Variants in OXR1 observed in about 807,000 individuals in gnomAD.
OXR1 encodes the protein oxidation resistance 1.
In OXR1, 41 loss-of-function variants were observed where a neutral mutation model predicts 104.6. The ratio of observed to expected loss-of-function variants is 0.39; its 90% CI spans 0.31 to 0.51. OXR1 has a LOEUF of 0.51. OXR1 is among the 20% of genes least tolerant of loss of function. OXR1 has a pLI of 0.77. For synonymous variants in OXR1, 348 were observed against 348.4 expected (o/e 1.00, Z 0.01); for missense variants, 955 against 1,031.9 (o/e 0.93, Z 1.02).
chr8:106,490,990 G>A (rs879282727), intron 2 of OXR1, among the ~76,000 whole-genome samples: 9 of 152,048 alleles, frequency 5.9e-5, no homozygotes, highest in East Asian at 1.9e-4. Flanking sequence ...CAGCCCCTTC[G>A]CTTGTCCTGG....
chr8:106,504,882 T>G (rs1812055412), intron 2 of OXR1, among the ~76,000 whole-genome samples: 1 of 152,254 alleles, frequency 6.6e-6, no homozygotes, highest in Non-Finnish European at 1.5e-5. Flanking sequence ...ATATATTGCT[T>G]TTCTGCATTC....
At chr8:106,288,204 C>T (rs1812579221) in intron 1 of OXR1, among the ~76,000 whole-genome samples, 1 of 152,014 alleles carries the variant, frequency 6.6e-6, no homozygotes, top group African/African-American at 2.4e-5. Context: ...GGTGTGGGAG[C>T]CTCCTTAAAT....
intron 2 of OXR1, among the ~76,000 whole-genome samples, chr8:106,385,072 T>G: frequency 6.6e-6 from 1 of 152,236 alleles, no homozygotes; most frequent in East Asian, 1.9e-4. Context: ...TTTCTTATAC[T>G]AGTTCCAGTC....
intron 11 of OXR1, among the ~76,000 whole-genome samples, chr8:106,727,540 G>A (rs7835917): frequency 6.6e-6 from 1 of 151,838 alleles, no homozygotes; most frequent in East Asian, 1.9e-4. Context: ...GCCTCAGCCC[G>A]GCAAGTAGCT....
At chr8:106,625,222 C>T (rs1484625506) in intron 3 of OXR1, among the ~76,000 whole-genome samples, 1 of 152,152 alleles carries the variant, frequency 6.6e-6, no homozygotes, top group Non-Finnish European at 1.5e-5. Context: ...GCTTGACACC[C>T]ATTTTGACTT....
chr8:106,535,324 T>C (rs1450627081), intron 3 of OXR1, among the ~76,000 whole-genome samples: 2 of 152,200 alleles, frequency 1.3e-5, no homozygotes, highest in Non-Finnish European at 2.9e-5. Context: ...GGCTTTCTAC[T>C]GCAAAACCGC....
intron 7 of OXR1, among the ~76,000 whole-genome samples, chr8:106,694,126 T>C (rs1054648260): frequency 2.6e-5 from 4 of 152,012 alleles, no homozygotes; most frequent in Non-Finnish European, 5.9e-5. Flanking sequence ...AACACACTAC[T>C]ATTTGAAGGC....
intron 1 of OXR1, among the ~76,000 whole-genome samples, chr8:106,291,037 T>A (rs1812728556): frequency 6.6e-6 from 1 of 152,122 alleles, no homozygotes; most frequent in African/African-American, 2.4e-5. Flanking sequence ...AGACATGGAA[T>A]CAACCTAGGT....
intron 3 of OXR1, among the ~76,000 whole-genome samples, chr8:106,580,007 C>T (rs1014233105): frequency 3.9e-5 from 6 of 152,172 alleles, no homozygotes; most frequent in Non-Finnish European, 7.3e-5. Flanking sequence ...ATACTGATGG[C>T]CAGCATTTTC....
At chr8:106,741,639 G>A (rs1238431909) in intron 14 of OXR1, among the ~76,000 whole-genome samples, 4 of 152,110 alleles carry the variant, frequency 2.6e-5, no homozygotes, top group Non-Finnish European at 4.4e-5. Context: ...CATTTCTGAT[G>A]TGGAAACTTC....
At chr8:106,674,233 C>T (rs928452018) in intron 3 of OXR1, among the ~76,000 whole-genome samples, 3 of 152,230 alleles carry the variant, frequency 2.0e-5, no homozygotes, top group African/African-American at 7.2e-5. Flanking sequence ...GCCATGGGAG[C>T]TCACCTCTTG....
chr8:106,348,720 A>T (rs1046696268), intron 1 of OXR1, among the ~76,000 whole-genome samples: 1 of 152,110 alleles, frequency 6.6e-6, no homozygotes, highest in Non-Finnish European at 1.5e-5. Context: ...CACCTGAAAA[A>T]CTTTGAGTTT....
At chr8:106,738,682 TGCAGTAGTAA>T in intron 12 of OXR1, among the ~76,000 whole-genome samples, 1 of 151,624 alleles carries the variant, frequency 6.6e-6, no homozygotes, top group East Asian at 1.9e-4. Flanking sequence ...GAATATATTG[TGCAGTAGTAA>T]GCTTTATTTT....
intron 7 of OXR1, among the ~76,000 whole-genome samples, chr8:106,702,476 C>T (rs1395888399): frequency 2.6e-5 from 4 of 152,106 alleles, no homozygotes; most frequent in African/African-American, 7.2e-5. Context: ...AGATATTATA[C>T]TCTTTTCCTT....
At chr8:106,359,067 C>CTTTCTTTA (rs1816124916) in intron 1 of OXR1, among the ~76,000 whole-genome samples, 1 of 74,682 alleles carries the variant, frequency 1.3e-5, no homozygotes, top group East Asian at 4.5e-4. Flanking sequence ...TTCTTTCTTT[C>CTTTCTTTA]TTTCTTTCTT....
At chr8:106,636,426 T>C (rs887493256) in intron 3 of OXR1, among the ~76,000 whole-genome samples, 1 of 152,152 alleles carries the variant, frequency 6.6e-6, no homozygotes, top group Non-Finnish European at 1.5e-5. Flanking sequence ...TAGTATGTCT[T>C]ATATTTTGTG....
At chr8:106,697,273 A>AC (rs1372905285) in intron 7 of OXR1, among the ~76,000 whole-genome samples, 5 of 152,194 alleles carry the variant, frequency 3.3e-5, no homozygotes, top group Non-Finnish European at 7.3e-5. Flanking sequence ...GCCAACAGGC[A>AC]CCTCAGAGGT....
At chr8:106,314,887 A>G (rs1813862192) in intron 1 of OXR1, among the ~76,000 whole-genome samples, 1 of 152,220 alleles carries the variant, frequency 6.6e-6, no homozygotes, top group Non-Finnish European at 1.5e-5. Context: ...AACGGTATAG[A>G]CACTCAGAAT....
chr8:106,370,204 A>G (rs755033268), intron 2 of OXR1, among the ~76,000 whole-genome samples: 8 of 151,814 alleles, frequency 5.3e-5, no homozygotes, highest in Non-Finnish European at 1.0e-4. Context: ...CTGCTTGCTT[A>G]TTGTTGGTGT....
Sources: allele counts gnomAD v4.1 joint callset (sites outside exome capture counted in the v4.1 genomes callset), GRCh38; gene constraint gnomAD v4.1.1; transcripts MANE v1.5; gene names NCBI Gene and HGNC (gene_info 2026-07-23, HGNC 2026-07-21).